AR: variants seen among roughly 807,000 people sequenced by gnomAD.
AR encodes androgen receptor, also known as dihydrotestosterone receptor.
In AR, 8 loss-of-function variants were observed where a neutral mutation model predicts 53.9. The ratio of observed to expected loss-of-function variants is 0.15; its 90% CI spans 0.09 to 0.27. AR has a LOEUF of 0.27. Among genes scored for constraint, AR ranks in the 10% least tolerant of loss-of-function variants. AR has a pLI of 1.00. For synonymous variants in AR, 359 were observed against 316.4 expected (o/e 1.13, Z -1.43); for missense variants, 639 against 742.5 (o/e 0.86, Z 1.62).
chrX:67,631,858 G>C (rs1925142738), intron 1 of AR, among the ~76,000 whole-genome samples: 1 of 112,172 alleles, frequency 8.9e-6, no homozygotes, highest in African/African-American at 3.2e-5. Flanking sequence ...CCTTCTAAGA[G>C]ACAGGACCCT....
At chrX:67,643,056 A>C (rs1436442301) in intron 1 of AR, among the ~76,000 whole-genome samples, 200 bp from the exon 2 acceptor site, 1 of 111,752 alleles carries the variant, frequency 8.9e-6, no homozygotes, top group Non-Finnish European at 1.9e-5. Context: ...ATCCCTTGGC[A>C]AGATCCAAAA....
intron 1 of AR, 71 bp downstream of exon 1, chrX:67,546,833 G>C (rs1188434486): frequency 9.1e-7 from 1 of 1,097,095 alleles, no homozygotes; most frequent in African/African-American, 1.8e-5. Flanking sequence ...GGGGTATCTA[G>C]CGGCTCCTAC....
chrX:67,550,577 C>G (rs1929953632), intron 1 of AR, among the ~76,000 whole-genome samples: 1 of 108,581 alleles, frequency 9.2e-6, no homozygotes, highest in African/African-American at 3.4e-5. Flanking sequence ...CTTGCATAAG[C>G]AGGGAGCAGA....
At chrX:67,617,604 A>T (rs1924183988) in intron 1 of AR, among the ~76,000 whole-genome samples, 1 of 111,675 alleles carries the variant, frequency 9.0e-6, no homozygotes, top group Non-Finnish European at 1.9e-5. Flanking sequence ...GGTTCCCTTG[A>T]CTCATGTATT....
chrX:67,713,137 ATTGAAGGCCACTTGGGTCATAGTATGGGC>A (rs2076100215), intron 4 of AR, among the ~76,000 whole-genome samples: 1 of 111,835 alleles, frequency 8.9e-6, no homozygotes, highest in South Asian at 3.7e-4. Flanking sequence ...CCAAGGCTTC[ATTGAAGGCCACTTGGGTCATAGTATGGGC>A]TTGTTGCATT....
chrX:67,625,753 A>G (rs1359095975), intron 1 of AR, among the ~76,000 whole-genome samples: 2 of 111,854 alleles, frequency 1.8e-5, no homozygotes, highest in Non-Finnish European at 3.8e-5. Context: ...AAATAAAATG[A>G]TCTCATGGTG....
intron 1 of AR, among the ~76,000 whole-genome samples, chrX:67,626,885 G>GT (rs1185161753): frequency 1.0e-5 from 1 of 99,676 alleles, no homozygotes; most frequent in Non-Finnish European, 2.0e-5. Context: ...GCGGTGTTTG[G>GT]TTTTTTGTTC....
intron 1 of AR, among the ~76,000 whole-genome samples, chrX:67,637,467 G>T (rs1164424712): frequency 1.9e-5 from 2 of 107,071 alleles, no homozygotes; most frequent in Non-Finnish European, 3.8e-5. Flanking sequence ...TGAGGATGAT[G>T]GTTTCCAGCT....
chrX:67,708,404 CA>C (rs1362051329), intron 3 of AR, among the ~76,000 whole-genome samples: 1 of 111,772 alleles, frequency 8.9e-6, no homozygotes, highest in African/African-American at 3.3e-5. Context: ...GATCTTCAAT[CA>C]CTGATACCCT....
At chrX:67,676,657 TGTTCTTAATCCCCAGCA>T (rs1449979408) in intron 2 of AR, among the ~76,000 whole-genome samples, 1 of 111,562 alleles carries the variant, frequency 9.0e-6, no homozygotes, top group Non-Finnish European at 1.9e-5. Context: ...CATTGTCTAA[TGTTCTTAATCCCCAGCA>T]GACAGGATTT....
chrX:67,641,181 C>G (rs1360639450), intron 1 of AR, among the ~76,000 whole-genome samples: 1 of 111,462 alleles, frequency 9.0e-6, no homozygotes, highest in Non-Finnish European at 1.9e-5. Flanking sequence ...CCTGGCATTG[C>G]CACTTATTAT....
At chrX:67,602,042 C>G (rs1923390526) in intron 1 of AR, among the ~76,000 whole-genome samples, 2 of 111,754 alleles carry the variant, frequency 1.8e-5, no homozygotes, top group South Asian at 7.5e-4. Flanking sequence ...GTAATGTGTC[C>G]TGAAAAATAT....
chrX:67,624,904 C>CAAAA (rs140323582), intron 1 of AR, among the ~76,000 whole-genome samples: 317 of 18,189 alleles, frequency 0.017, 1 homozygote, highest in East Asian at 0.034. Context: ...GGCAATTAGG[C>CAAAA]AAAAAAAAAA....
At chrX:67,722,673 G>T in intron 6 of AR, 154 bp from the exon 7 acceptor site, 1 of 591,289 alleles carries the variant, frequency 1.7e-6, no homozygotes, top group Non-Finnish European at 2.8e-6. Flanking sequence ...CAGACTGAAG[G>T]CCCCAAGCAC....
Position 67,725,347 on chromosome X carries a change from G to A in AR, c.*1506G>A, listed in dbSNP as rs1320021143. ...ATCAAAGGGATCAGGCAAGCTGGGCGTCTTGCCCTTGTCCCCCAGAGATGA... is the reference window on the plus strand; with the variant it reads ...ATCAAAGGGATCAGGCAAGCTGGGCATCTTGCCCTTGTCCCCCAGAGATGA... On this transcript the variant is annotated 3_prime_UTR_variant, in exon 8 of 8. Transcript: ENST00000374690. 5 of 174,070 alleles carry A rather than the reference G, an allele frequency of 2.9e-5. No homozygotes were observed. The highest frequency in any genetic ancestry group is 1.6e-4 in the East Asian group (2 of 12,308). The allele number at this position is 174,070 out of a possible 1,213,427, so 14.3% of individuals were successfully genotyped here.
chrX:67,608,336 G>A (rs1283670012), intron 1 of AR, among the ~76,000 whole-genome samples: 1 of 112,146 alleles, frequency 8.9e-6, no homozygotes, highest in Non-Finnish European at 1.9e-5. Context: ...TTCATTAACA[G>A]AAGTATGTTC....
chrX:67,678,657 A>T (rs1271935652), intron 2 of AR, among the ~76,000 whole-genome samples: 1 of 110,949 alleles, frequency 9.0e-6, no homozygotes, highest in Non-Finnish European at 1.9e-5. Context: ...TATCTAATCA[A>T]TTTTTTTCTG....
chrX:67,657,611 G>A (rs55975225), intron 2 of AR, among the ~76,000 whole-genome samples: 271 of 111,762 alleles, frequency 2.4e-3, no homozygotes, highest in African/African-American at 8.4e-3. Flanking sequence ...GTGTCTGGTG[G>A]GCTTCAACCT....
At chrX:67,700,637 C>T (rs1318885296) in intron 3 of AR, among the ~76,000 whole-genome samples, 2 of 111,928 alleles carry the variant, frequency 1.8e-5, no homozygotes, top group African/African-American at 6.5e-5. Context: ...AGTGGGAATG[C>T]AGTTTTTCTT....
Sources: gnomAD v4.1 joint callset for allele counts (sites outside exome capture counted in the v4.1 genomes callset) on GRCh38, gnomAD v4.1.1 for gene constraint, MANE v1.5 for transcripts, NCBI Gene and HGNC (gene_info 2026-07-23, HGNC 2026-07-21) for gene names.